Variants in SCEL observed in about 807,000 individuals in gnomAD.
SCEL encodes the protein sciellin.
Under a neutral mutation model 117.6 loss-of-function variants are expected in SCEL, and 113 were observed. The ratio of observed to expected loss-of-function variants is 0.96; its 90% CI spans 0.83 to 1.12. SCEL has a LOEUF of 1.12. SCEL is among the 50% of genes most tolerant of loss of function. The pLI, the probability that SCEL is intolerant of heterozygous loss-of-function variation, is 0.00. For synonymous variants in SCEL, 270 were observed against 256.2 expected (o/e 1.05, Z -0.51); for missense variants, 785 against 810.8 (o/e 0.97, Z 0.39).
chr13:77,541,930 T>C (rs947185487), intron 1 of SCEL, among the ~76,000 whole-genome samples: 14 of 152,372 alleles, frequency 9.2e-5, no homozygotes, highest in African/African-American at 3.1e-4. Flanking sequence ...TTTGAGTTTT[T>C]ACTCATTTAA....
chr13:77,575,605 T>C (rs2085896082), intron 9 of SCEL, among the ~76,000 whole-genome samples: 1 of 152,206 alleles, frequency 6.6e-6, no homozygotes, highest in Non-Finnish European at 1.5e-5. Flanking sequence ...TCGAATATCT[T>C]TGAAAGCCTC....
intron 1 of SCEL, among the ~76,000 whole-genome samples, chr13:77,550,170 G>C (rs925690435): frequency 2.6e-5 from 4 of 151,874 alleles, no homozygotes; most frequent in Admixed American, 1.3e-4. Context: ...TGGATGGCTT[G>C]AGGCCAGGAG....
intron 24 of SCEL, among the ~76,000 whole-genome samples, chr13:77,617,272 A>G (rs1385992635): frequency 6.6e-6 from 1 of 152,128 alleles, no homozygotes; most frequent in African/African-American, 2.4e-5. Flanking sequence ...TGATTTTAAA[A>G]ATAAGGATAT....
At position 77,602,065 on chromosome 13, in the gene SCEL, A is replaced by C; in HGVS notation, c.918A>C (p.Gly306=). The C allele has an allele frequency of 6.2e-7, 1 of 1,607,958 alleles. No homozygotes were observed. Among genetic ancestry groups the C allele is most frequent in the Non-Finnish European group, 8.5e-7 (1 of 1,177,916 alleles). Residue 306 remains glycine, a splice_region_variant and synonymous_variant, in exon 16 of 33, where the codon GGA becomes GGC. Transcript: ENST00000349847. ...TTTCTTTTCCCCCAATGTTGTAAAG[A>C]ATCCAAAGCCTTGGAAGTCCGATTA... ...MSTRTDKDGK[G]IQSLGSPIKV...
chr13:77,634,207 CA>C (rs1206519988), intron 28 of SCEL, among the ~76,000 whole-genome samples, 171 bp from the exon 29 acceptor site: 2 of 152,208 alleles, frequency 1.3e-5, no homozygotes, highest in South Asian at 4.1e-4. Context: ...AAATGGAAGA[CA>C]AAAAAATTTT....
At chr13:77,573,638 C>CATCTATCTATCTATCT (rs10565753) in intron 9 of SCEL, among the ~76,000 whole-genome samples, 16 of 149,750 alleles carry the variant, frequency 1.1e-4, no homozygotes, top group East Asian at 2.0e-4. Flanking sequence ...TCTGTCATTA[C>CATCTATCTATCTATCT]ATCTATCTAT....
intron 9 of SCEL, among the ~76,000 whole-genome samples, chr13:77,572,565 G>A (rs1312748448): frequency 6.6e-6 from 1 of 152,180 alleles, no homozygotes; most frequent in Non-Finnish European, 1.5e-5. Context: ...AGCAGAGTTG[G>A]TTCCTTCTGA....
intron 10 of SCEL, among the ~76,000 whole-genome samples, chr13:77,589,509 GCTC>G (rs1027791017): frequency 3.9e-5 from 6 of 152,080 alleles, no homozygotes; most frequent in African/African-American, 1.4e-4. Flanking sequence ...TTATATATTT[GCTC>G]CTAATATACA....
At chr13:77,609,185 A>C in intron 21 of SCEL, 68 bp downstream of exon 21, 2 of 1,206,174 alleles carry the variant, frequency 1.7e-6, no homozygotes, top group Non-Finnish European at 2.3e-6. Flanking sequence ...TTAAAGCATC[A>C]TTTCAGCTGA....
intron 21 of SCEL, 131 bp downstream of exon 21, chr13:77,609,248 C>A: frequency 1.4e-6 from 1 of 710,130 alleles, no homozygotes; most frequent in Non-Finnish European, 2.2e-6. Flanking sequence ...CCTGCTACCT[C>A]ACATCTGAAA....
intron 22 of SCEL, among the ~76,000 whole-genome samples, chr13:77,612,639 A>G (rs1026372609): frequency 2.0e-5 from 3 of 151,768 alleles, no homozygotes; most frequent in African/African-American, 7.2e-5. Flanking sequence ...ATGTAAAATA[A>G]AGAGTTTAGG....
At chr13:77,573,033 G>T (rs1486286169) in intron 9 of SCEL, among the ~76,000 whole-genome samples, 1 of 152,166 alleles carries the variant, frequency 6.6e-6, no homozygotes, top group Non-Finnish European at 1.5e-5. Context: ...AGCGACAAAT[G>T]AATATTTTCT....
At chr13:77,612,535 A>G (rs1365763465) in intron 22 of SCEL, among the ~76,000 whole-genome samples, 1 of 143,556 alleles carries the variant, frequency 7.0e-6, no homozygotes. Flanking sequence ...AGCAAGGAAC[A>G]TATGGAAATA....
chr13:77,589,235 G>A lies in SCEL; in HGVS notation c.626+11G>A. On this transcript the variant is annotated intron_variant, in intron 10 of 32. Transcript: ENST00000349847. ...GAGACAGGATAATAGGTAAGACCTA[G>A]TACTCCAGAATTTCTTGACAAAATG... 1 of 1,581,274 alleles carries A rather than the reference G, an allele frequency of 6.3e-7. No individual in the cohort carries two copies. Among genetic ancestry groups the A allele is most frequent in the South Asian group, 1.1e-5 (1 of 89,726 alleles).
chr13:77,539,770 G>A (rs981488562), intron 1 of SCEL, among the ~76,000 whole-genome samples: 3 of 152,116 alleles, frequency 2.0e-5, no homozygotes, highest in Non-Finnish European at 1.5e-5. Flanking sequence ...TCCTGATCAC[G>A]TGGTCTGCCC....
intron 23 of SCEL, 126 bp from the exon 24 acceptor site, chr13:77,613,767 T>C (rs2088836217): frequency 1.3e-6 from 1 of 745,704 alleles, no homozygotes; most frequent in Admixed American, 2.4e-5. Context: ...AACTAATATA[T>C]ATAAATTGGA....
At chr13:77,542,948 G>T (rs959687254) in intron 1 of SCEL, among the ~76,000 whole-genome samples, 3 of 152,074 alleles carry the variant, frequency 2.0e-5, no homozygotes, top group Non-Finnish European at 4.4e-5. Context: ...GTAGTGGTGG[G>T]GTTGGCACTG....
intron 7 of SCEL, among the ~76,000 whole-genome samples, chr13:77,568,773 C>A (rs1173881754): frequency 6.6e-6 from 1 of 152,118 alleles, no homozygotes; most frequent in Admixed American, 6.5e-5. Context: ...TTAAATGGAA[C>A]ACATTTTCCC....
At position 77,538,154 on chromosome 13, in the gene SCEL, T is replaced by C. The variant is rs1179209756; in HGVS notation, c.-20+2330T>C. On this transcript the variant is annotated intron_variant, in intron 1 of 32. Transcript: ENST00000349847. ...TTTTTTTAAATGGAGTCTCGCTCTT[T>C]TCCCCAGTCTGGAGTGCGATGGCAC... Among the ~76,000 whole-genome samples, 9 of 151,640 alleles carry C rather than the reference T, an allele frequency of 5.9e-5. No individual in the cohort carries two copies. In the South Asian group the frequency reaches 1.3e-3, roughly 21 times the overall value.
Sources: gnomAD v4.1 joint callset for allele counts (sites outside exome capture counted in the v4.1 genomes callset) on GRCh38, gnomAD v4.1.1 for gene constraint, MANE v1.5 for transcripts, NCBI Gene and HGNC (gene_info 2026-07-23, HGNC 2026-07-21) for gene names.